ADAT2: variants seen among roughly 807,000 people sequenced by gnomAD.
ADAT2 encodes tRNA-specific adenosine-34 deaminase catalytic subunit ADAT2.
ADAT2 carries 26 observed loss-of-function variants against 25.9 expected under a neutral mutation model. The observed-to-expected ratio is 1.00, with a 90% CI of 0.74 to 1.39. The LOEUF is 1.39. ADAT2 is among the 40% of genes most tolerant of loss of function. The pLI, the probability that ADAT2 is intolerant of heterozygous loss-of-function variation, is 0.00. For synonymous variants in ADAT2, 76 were observed against 86.8 expected, an observed-to-expected ratio of 0.88 and a Z score of 0.69; for missense variants, 220 against 244.8, an observed-to-expected ratio of 0.90 and a Z score of 0.68.
In ADAT2 at chr6:143,442,212, A is replaced by G. The variant is rs935427554; in HGVS notation, c.97-3518T>C. Among the ~76,000 whole-genome samples, 4 of 152,198 alleles carry G rather than the reference A, an allele frequency of 2.6e-5. No homozygotes were observed. Among genetic ancestry groups the G allele is most frequent in the African/African-American group, 9.6e-5 (4 of 41,462 alleles). On this transcript the variant is annotated intron_variant, in intron 1 of 5. Transcript: ENST00000237283. The surrounding 1 kb of genome is among the most constrained non-coding windows in gnomAD (Gnocchi z 4.6). ...AACTATGGTACACCTGTACCATGGG[A>G]CACAATGCAGCAATAACAAGGAATG...
At position 143,428,673 on chromosome 6, in the gene ADAT2, T is replaced by C. The variant is rs754978276; in HGVS notation, c.471A>G (p.Gly157=). 3 of 1,614,030 alleles carry C rather than the reference T, an allele frequency of 1.9e-6. No homozygotes were observed. The highest frequency in any genetic ancestry group is 1.1e-5 in the South Asian group (1 of 91,070). The change falls in exon 5 of 6, where the codon GGA becomes GGG. Residue 157 remains glycine (G), a synonymous_variant. Coordinates refer to ENST00000237283, the MANE Select transcript of ADAT2 (RefSeq NM_182503.3). The surrounding 1 kb of genome is among the most constrained non-coding windows in gnomAD (Gnocchi z 5.0). ...NTGRPFQCIP[G]YRAEEAVEML... ...TTTCCACTGCTTCCTCAGCCCGATA[T>C]CCAGGGATACACTGATGGAATGAGA...
Position 143,436,107 on chromosome 6 carries a change from A to G in ADAT2, c.202-2126T>C, listed in dbSNP as rs1045181070. On this transcript the variant is annotated intron_variant, in intron 2 of 5. Transcript: ENST00000237283. This position sits in a 1 kb window ranked among gnomAD's most constrained non-coding sequence, Gnocchi z 4.1. ...ATGAAAGAAAACTGTCTGGAAGAATATGGCAAAATTTTAATAGTTCTGCAT... is the reference window on the plus strand; with the variant it reads ...ATGAAAGAAAACTGTCTGGAAGAATGTGGCAAAATTTTAATAGTTCTGCAT... 2 of 152,322 alleles carry G rather than the reference A, an allele frequency of 1.3e-5. No individual in the cohort carries two copies. Among genetic ancestry groups the G allele is most frequent in the African/African-American group, 2.4e-5 (1 of 41,468 alleles). 9.4% of individuals were successfully genotyped at this position (152,322 alleles called of 1,614,324 possible). A position where few individuals can be genotyped will look rare whatever the true frequency, so the allele number is the denominator to read the frequency against.
intron 4 of ADAT2, among the ~76,000 whole-genome samples, chr6:143,431,205 G>A (rs538155995): frequency 8.5e-5 from 13 of 152,362 alleles, no homozygotes; most frequent in African/African-American, 3.1e-4. Flanking sequence ...AGCCGATGTG[G>A]CTAGGTATAT....
chr6:143,445,523 G>C, intron 1 of ADAT2, among the ~76,000 whole-genome samples: 1 of 152,030 alleles, frequency 6.6e-6, no homozygotes, highest in East Asian at 1.9e-4. Flanking sequence ...CTTTCCACCA[G>C]CCCACATCCT....
chr6:143,438,539 G>T, intron 2 of ADAT2, 51 bp downstream of exon 2: 2 of 1,422,612 alleles, frequency 1.4e-6, no homozygotes, highest in Non-Finnish European at 2.0e-6. Flanking sequence ...ATTCTCTCCA[G>T]TCCACCCATC....
rs1779326446 is a variant in ADAT2, at chr6:143,437,541, A to G, written c.201+1049T>C. Among the ~76,000 whole-genome samples, 1 of 152,190 alleles carries G rather than the reference A, an allele frequency of 6.6e-6. No individual in the cohort carries two copies. The highest frequency in any genetic ancestry group is 1.5e-5 in the Non-Finnish European group (1 of 68,020). The stretch of plus-strand genomic sequence containing the variant: ...GCAAATGAAATACCATGTTTATTCC[A>G]GTTTATTTTACTGTGGTGTTTTATT... On this transcript the variant is annotated intron_variant, in intron 2 of 5. Transcript: ENST00000237283. This position sits in a 1 kb window ranked among gnomAD's most constrained non-coding sequence, Gnocchi z 4.1.
chr6:143,441,731 T>A (rs898466856), intron 1 of ADAT2: 68 of 152,140 alleles, frequency 4.5e-4, no homozygotes, highest in African/African-American at 1.6e-3. Context: ...CCAAACTATA[T>A]GAGAAGGCAA....
intron 1 of ADAT2, among the ~76,000 whole-genome samples, chr6:143,447,606 T>C (rs1000534587): frequency 4.6e-5 from 7 of 152,304 alleles, no homozygotes; most frequent in Admixed American, 4.6e-4. Flanking sequence ...AACCCTTTTT[T>C]ATAGTTTGAA....
chr6:143,430,812 G>A (rs200442303), intron 4 of ADAT2, among the ~76,000 whole-genome samples: 6 of 152,072 alleles, frequency 3.9e-5, no homozygotes, highest in Non-Finnish European at 7.4e-5. Context: ...TGATCTGCCC[G>A]CCTTGGCCTC....
In ADAT2 at chr6:143,437,004, TTAAG is replaced by T. The variant is rs1354244032; in HGVS notation, c.201+1582_201+1585del. ...ATTTTGTGAAATACTATATTTTTAT[TTAAG>T]TGTCTTTTTTCTTTCTAATTCTACA... On this transcript the variant is annotated intron_variant, in intron 2 of 5. Transcript: ENST00000237283. The surrounding 1 kb of genome is among the most constrained non-coding windows in gnomAD (Gnocchi z 4.1). Among the ~76,000 whole-genome samples, 2 of 152,180 alleles carry T rather than the reference TTAAG, an allele frequency of 1.3e-5. No homozygotes were observed. Among genetic ancestry groups the T allele is most frequent in the African/African-American group, 4.8e-5 (2 of 41,438 alleles).
At chr6:143,441,846 T>C (rs911079175) in intron 1 of ADAT2, 4 of 152,130 alleles carry the variant, frequency 2.6e-5, no homozygotes, top group African/African-American at 9.7e-5. Flanking sequence ...AAAACCACAA[T>C]GAGGTATCAC....
At chr6:143,449,012 C>T (rs1055249771) in intron 1 of ADAT2, among the ~76,000 whole-genome samples, 4 of 151,918 alleles carry the variant, frequency 2.6e-5, no homozygotes, top group African/African-American at 9.7e-5. Context: ...TTATATATGT[C>T]GCAAATATTT....
In ADAT2 at chr6:143,423,644, G is replaced by T. The variant is rs1375715523; in HGVS notation, c.*4819C>A. On this transcript the variant is annotated 3_prime_UTR_variant, in exon 6 of 6. Coordinates refer to ENST00000237283, the MANE Select transcript of ADAT2 (RefSeq NM_182503.3). ...AGCTCTGAATACAACCAGAACATGT[G>T]GGGGTTTATAACTAATGGGCAGAGT... 1 of 152,174 alleles carries T rather than the reference G, an allele frequency of 6.6e-6. No homozygotes were observed. The highest frequency in any genetic ancestry group is 2.1e-4 in the South Asian group (1 of 4,824). The allele number at this position is 152,174 out of a possible 1,614,324, so 9.4% of individuals were successfully genotyped here.
At chr6:143,430,811 C>T (rs1475260618) in intron 4 of ADAT2, among the ~76,000 whole-genome samples, 2 of 152,102 alleles carry the variant, frequency 1.3e-5, no homozygotes, top group Non-Finnish European at 2.9e-5. Flanking sequence ...ATGATCTGCC[C>T]GCCTTGGCCT....
rs183286560 is a variant in ADAT2 at position 143,428,337 on chromosome 6, G to C, written c.*126C>G. ...GTTCCCTTAACAGAGCAAATGATGAGAGACACCATTTTCCTGCAGATTAAA... is the reference window on the plus strand; with the variant it reads ...GTTCCCTTAACAGAGCAAATGATGACAGACACCATTTTCCTGCAGATTAAA... On this transcript the variant is annotated 3_prime_UTR_variant, in exon 6 of 6. Coordinates refer to ENST00000237283, the MANE Select transcript of ADAT2 (RefSeq NM_182503.3). The surrounding 1 kb of genome is among the most constrained non-coding windows in gnomAD (Gnocchi z 5.0). 3.2e-3 allele frequency: 3,390 copies of C among 1,046,152 alleles called. 5 individuals are homozygous for C. Among genetic ancestry groups the C allele is most frequent in the Non-Finnish European group, 4.2e-3 (3,002 of 720,320 alleles). The allele number at this position is 1,046,152 out of a possible 1,614,324, so 64.8% of individuals were successfully genotyped here. A position where few individuals can be genotyped will look rare whatever the true frequency, so the allele number is the denominator to read the frequency against.
rs116048263 is a variant in ADAT2 at position 143,436,567 on chromosome 6, A to G, written c.201+2023T>C. 2.5e-3 allele frequency: 1,045 copies of G among 413,530 alleles called. 11 individuals carry two copies. The highest frequency in any genetic ancestry group is 0.019 in the African/African-American group (933 of 47,906). 25.6% of individuals were successfully genotyped at this position (413,530 alleles called of 1,614,324 possible). On this transcript the variant is annotated intron_variant, in intron 2 of 5. Transcript: ENST00000237283. This position sits in a 1 kb window ranked among gnomAD's most constrained non-coding sequence, Gnocchi z 4.1. ...GTGCAAGGCCTTCCTGCACTGGTAC[A>G]TGGGCGAGGGCAAGAATGAGATGGA...
intron 4 of ADAT2, among the ~76,000 whole-genome samples, chr6:143,430,994 T>G (rs1441344580): frequency 6.6e-6 from 1 of 152,178 alleles, no homozygotes; most frequent in Non-Finnish European, 1.5e-5. Flanking sequence ...AATCTGCAAT[T>G]CTGCAGTAAG....
intron 4 of ADAT2, among the ~76,000 whole-genome samples, chr6:143,430,861 A>G (rs7746655): frequency 0.52 from 79,499 of 152,048 alleles, 21,242 homozygotes; most frequent in African/African-American, 0.57. Context: ...CACTGCACCC[A>G]GCCATAAAAC....
chr6:143,430,572 T>C (rs546214728), intron 4 of ADAT2, among the ~76,000 whole-genome samples: 1 of 78,632 alleles, frequency 1.3e-5, no homozygotes, highest in Non-Finnish European at 3.0e-5. Flanking sequence ...TCATAATAAT[T>C]TTTTTTTTTG....
Sources: allele counts gnomAD v4.1 joint callset (sites outside exome capture counted in the v4.1 genomes callset), GRCh38; gene constraint gnomAD v4.1.1; non-coding constraint Gnocchi (gnomAD v3.1); transcripts MANE v1.5; gene names NCBI Gene and HGNC (gene_info 2026-07-23, HGNC 2026-07-21).